The following ZNF197 variants were observed in gnomAD, a reference collection of about 807,000 sequenced individuals.
The protein encoded by ZNF197 is VHL-associated KRAB-A domain-containing protein.
In ZNF197, 14 loss-of-function variants were observed where a neutral mutation model predicts 27.4. The ratio of observed to expected loss-of-function variants is 0.51; its 90% CI spans 0.34 to 0.80. ZNF197 has a LOEUF of 0.80. ZNF197 is among the 30% of genes least tolerant of loss of function. The pLI is 0.02. For synonymous variants in ZNF197, 415 were observed against 420.0 expected (o/e 0.99, Z 0.15); for missense variants, 1,090 against 1,222.6 (o/e 0.89, Z 1.62).
rs1237972480 is a variant in ZNF197, at chr3:44,644,302, GTTTATTATTTACTC to G, written c.*87_*100del. 6.7e-7 allele frequency: 1 copy of G among 1,492,274 alleles called. No individual in the cohort carries two copies. Among genetic ancestry groups the G allele is most frequent in the Non-Finnish European group, 8.9e-7 (1 of 1,126,528 alleles). 92.4% of individuals were successfully genotyped at this position (1,492,274 alleles called of 1,614,324 possible). A position where few individuals can be genotyped will look rare whatever the true frequency, so the allele number is the denominator to read the frequency against. On this transcript the variant is annotated 3_prime_UTR_variant, in exon 6 of 6. Transcript: ENST00000344387. ...GATATATATTTCTTCTAAGGAAAAA[GTTTATTATTTACTC>G]TTTACTAGACAAATGAGTAGCATAT...
At position 44,631,122 on chromosome 3, in the gene ZNF197, A is replaced by C. The variant is rs772402696; in HGVS notation, c.451A>C (p.Thr151Pro). ...LQKVVSAPGTTLPPVLPGSHI... is the reference protein window; with the variant it reads ...LQKVVSAPGTPLPPVLPGSHI... ...GAAGGTGGTGAGTGCCCCAGGAACA[A>C]CACTTCCTCCTGTACTTCCTGGCAG... Residue 151 changes from threonine to proline, a missense_variant, in exon 3 of 6, where the codon ACA (threonine) becomes CCA (proline). By Grantham distance (38) the Thr-to-Pro change is conservative. Transcript: ENST00000344387. 1.2e-6 allele frequency: 2 copies of C among 1,614,092 alleles called. No homozygotes were observed. The highest frequency in any genetic ancestry group is 3.3e-5 in the Admixed American group (2 of 60,006).
chr3:44,632,592 C>A lies in ZNF197; in HGVS notation c.762C>A (p.Thr254=). 1.3e-6 allele frequency: 2 copies of A among 1,574,444 alleles called. No individual in the cohort carries two copies. Among genetic ancestry groups the A allele is most frequent in the South Asian group, 1.2e-5 (1 of 84,170 alleles). The change falls in exon 5 of 6, where the codon ACC becomes ACA. Residue 254 remains threonine (T), a synonymous_variant. Coordinates refer to ENST00000344387, the MANE Select transcript of ZNF197 (RefSeq NM_006991.5). The part of the protein sequence containing the change: ...DVMLENYGNV[T]SLEWETMTEN... ...TGCTGGAGAATTATGGAAATGTGAC[C>A]TCCCTAGGTAAGGATTCTTCTTTCT... is the stretch of plus-strand genomic sequence containing the variant.
In ZNF197 at chr3:44,644,021, G is replaced by T. The variant is rs1256994723; in HGVS notation, c.2891G>T (p.Ser964Ile). Residue 964 changes from serine (S) to isoleucine (I), a missense_variant, in exon 6 of 6, where the codon AGT becomes ATT. Transcript: ENST00000344387. ...GEKPYGCNDC[S>I]KVFRQRKNLT... is the part of the protein sequence containing the mutation. ...AAACCCTATGGGTGTAATGATTGTA[G>T]TAAAGTTTTTAGGCAAAGAAAAAAC... 6.2e-7 allele frequency: 1 copy of T among 1,613,878 alleles called. No individual in the cohort carries two copies. The highest frequency in any genetic ancestry group is 8.5e-7 in the Non-Finnish European group (1 of 1,179,994).
At position 44,640,017 on chromosome 3, in the gene ZNF197, A is replaced by G. The variant is rs1702508867; in HGVS notation, c.770-1883A>G. Among the ~76,000 whole-genome samples the G allele has an allele frequency of 6.6e-6, 1 of 152,194 alleles. No homozygotes were observed. The highest frequency in any genetic ancestry group is 1.5e-5 in the Non-Finnish European group (1 of 68,030). On this transcript the variant is annotated intron_variant, in intron 5 of 5. Coordinates refer to ENST00000344387, the MANE Select transcript of ZNF197 (RefSeq NM_006991.5). This position sits in a 1 kb window ranked among gnomAD's most constrained non-coding sequence, Gnocchi z 4.0. Reference sequence around the variant, plus strand: ...CTATCGGAAAGATCATTGACAGAAGATAGGCATGGATTAGGGCAGATGAAA... The same window carrying G: ...CTATCGGAAAGATCATTGACAGAAGGTAGGCATGGATTAGGGCAGATGAAA...
At position 44,645,392 on chromosome 3, in the gene ZNF197, C is replaced by T; in HGVS notation, c.*1172C>T. On this transcript the variant is annotated 3_prime_UTR_variant, in exon 6 of 6. Transcript: ENST00000344387. ...AAGAGGAAGTATGGTGAATAGCTAA[C>T]TGGAATTTAGTGTTCTAAGAATAAT... is the stretch of plus-strand genomic sequence containing the variant. The T allele has an allele frequency of 2.0e-6, 2 of 985,188 alleles. No homozygotes were observed. The highest frequency in any genetic ancestry group is 2.4e-6 in the Non-Finnish European group (2 of 829,880). The allele number at this position is 985,188 out of a possible 1,614,324, so 61.0% of individuals were successfully genotyped here.
At chr3:44,628,148 G>T (rs765787327) in intron 1 of ZNF197, among the ~76,000 whole-genome samples, 1 of 152,170 alleles carries the variant, frequency 6.6e-6, no homozygotes, top group Non-Finnish European at 1.5e-5. Context: ...AAGGATAGCC[G>T]TTGTGACCTT....
rs116201476 is a variant in ZNF197, at chr3:44,645,658, C to T, written c.*1438C>T. ...TTGACCCGCAGTTGAGCTGATGATCCCTGCCACAGTCATTGTGAATTCTAA... is the reference window on the plus strand; with the variant it reads ...TTGACCCGCAGTTGAGCTGATGATCTCTGCCACAGTCATTGTGAATTCTAA... On this transcript the variant is annotated 3_prime_UTR_variant, in exon 6 of 6. Coordinates refer to ENST00000344387, the MANE Select transcript of ZNF197 (RefSeq NM_006991.5). 2.1e-3 allele frequency: 2,026 copies of T among 985,364 alleles called. 36 individuals carry two copies. The African/African-American group carries it at 0.033, about 16-fold the overall frequency. 61.0% of individuals were successfully genotyped at this position (985,364 alleles called of 1,614,324 possible).
chr3:44,636,161 C>A (rs1394858795), intron 5 of ZNF197, among the ~76,000 whole-genome samples: 4 of 152,034 alleles, frequency 2.6e-5, no homozygotes, highest in African/African-American at 9.7e-5. Flanking sequence ...AAAAATTAGC[C>A]GGGTGTGGTG....
In ZNF197 at chr3:44,645,578, T is replaced by C. The variant is rs1239995960; in HGVS notation, c.*1358T>C. ...TTTGAAACTTAACAGATGGAGAGTG[T>C]CAAAATGGAAGGGCAGTGGTACCCT... is the stretch of plus-strand genomic sequence containing the variant. On this transcript the variant is annotated 3_prime_UTR_variant, in exon 6 of 6. Transcript: ENST00000344387. The C allele has an allele frequency of 5.0e-5, 49 of 985,302 alleles. No homozygotes were observed. Among genetic ancestry groups the C allele is most frequent in the Non-Finnish European group, 5.9e-5 (49 of 829,924 alleles). 61.0% of individuals were successfully genotyped at this position (985,302 alleles called of 1,614,324 possible). A position where few individuals can be genotyped will look rare whatever the true frequency, so the allele number is the denominator to read the frequency against.
chr3:44,642,567 G>A lies in ZNF197; in HGVS notation c.1437G>A (p.Glu479=), dbSNP rs1702676197. The A allele has an allele frequency of 2.5e-6, 4 of 1,614,174 alleles. No homozygotes were observed. In the East Asian group the frequency reaches 8.9e-5, roughly 36 times the overall value. Residue 479 remains glutamate, a synonymous_variant, in exon 6 of 6, where the codon GAG becomes GAA. Transcript: ENST00000344387. ...TACATCTAAGGCGCCATTCAGGGGA[G>A]AGACCTTATAAGTGTAATGAATGTG... ...LIIHLRRHSG[E]RPYKCNECGK...
Position 44,644,552 on chromosome 3 carries a change from C to T in ZNF197, c.*332C>T, listed in dbSNP as rs1702842967. The T allele has an allele frequency of 7.9e-6, 7 of 890,536 alleles. No individual in the cohort carries two copies. Among genetic ancestry groups the T allele is most frequent in the Middle Eastern group, 5.5e-4 (1 of 1,804 alleles). 55.2% of individuals were successfully genotyped at this position (890,536 alleles called of 1,614,324 possible). A position where few individuals can be genotyped will look rare whatever the true frequency, so the allele number is the denominator to read the frequency against. On this transcript the variant is annotated 3_prime_UTR_variant, in exon 6 of 6. Coordinates refer to ENST00000344387, the MANE Select transcript of ZNF197 (RefSeq NM_006991.5). Reference sequence around the variant, plus strand: ...ACTCAGGAGGCTGAGACAGGAGAGTCGCTTGAACCTGGGAGGGCGGAGGTT... The same window carrying T: ...ACTCAGGAGGCTGAGACAGGAGAGTTGCTTGAACCTGGGAGGGCGGAGGTT...
intron 2 of ZNF197, among the ~76,000 whole-genome samples, chr3:44,630,088 G>A (rs750986776): frequency 3.4e-4 from 52 of 152,142 alleles, no homozygotes; most frequent in Non-Finnish European, 6.5e-4. Flanking sequence ...GTAGTGGCGA[G>A]TGCCTATAGT....
In ZNF197 at chr3:44,644,282, A is replaced by C; in HGVS notation, c.*62A>C. On this transcript the variant is annotated 3_prime_UTR_variant, in exon 6 of 6. Transcript: ENST00000344387. Reference sequence around the variant, plus strand: ...TAAGTAACTGTTGGACAAATGATATATATTTCTTCTAAGGAAAAAGTTTAT... The same window carrying C: ...TAAGTAACTGTTGGACAAATGATATCTATTTCTTCTAAGGAAAAAGTTTAT... The C allele has an allele frequency of 6.6e-7, 1 of 1,518,706 alleles. No individual in the cohort carries two copies. The highest frequency in any genetic ancestry group is 2.3e-5 in the East Asian group (1 of 43,882). The allele number at this position is 1,518,706 out of a possible 1,614,324, so 94.1% of individuals were successfully genotyped here.
rs368139935 is a variant in ZNF197, at chr3:44,643,619, G to C, written c.2489G>C (p.Arg830Pro). 6.2e-7 allele frequency: 1 copy of C among 1,614,162 alleles called. No individual in the cohort carries two copies. The part of the protein sequence containing the change: ...CNDCGKVFSY[R>P]SNLIAHQRIH... ...GACTGTGGGAAGGTCTTCAGTTACC[G>C]CTCAAACCTTATAGCCCATCAGAGG... The change falls in exon 6 of 6, where the codon CGC (arginine) becomes CCC (proline). Residue 830 changes from arginine (R) to proline (P), a missense_variant. By Grantham distance (103) the Arg-to-Pro change is moderately radical. Transcript: ENST00000344387.
chr3:44,633,989 C>A (rs1702142487), intron 5 of ZNF197, among the ~76,000 whole-genome samples: 1 of 152,106 alleles, frequency 6.6e-6, no homozygotes, highest in African/African-American at 2.4e-5. Context: ...TCAGTAGTGG[C>A]AGTGGTGGGT....
chr3:44,632,178 C>G lies in ZNF197; in HGVS notation c.624C>G (p.Leu208=), dbSNP rs755321104. 1.2e-6 allele frequency: 2 copies of G among 1,614,176 alleles called. No individual in the cohort carries two copies. Among genetic ancestry groups the G allele is most frequent in the Non-Finnish European group, 1.7e-6 (2 of 1,180,022 alleles). ...NPRNQLMALM[L]LTAQPQELVM... ...GAAATCAATTAATGGCACTTATGCT[C>G]CTAACAGCCCAGCCCCAGGTAAGGT... The change falls in exon 4 of 6, where the codon CTC becomes CTG. Residue 208 remains leucine (L), a synonymous_variant. Transcript: ENST00000344387.
At chr3:44,633,224 ATATT>A (rs1444806990) in intron 5 of ZNF197, among the ~76,000 whole-genome samples, 2 of 152,234 alleles carry the variant, frequency 1.3e-5, no homozygotes, top group Non-Finnish European at 2.9e-5. Context: ...AAAGTTATAT[ATATT>A]CTAAAATAGA....
intron 5 of ZNF197, among the ~76,000 whole-genome samples, chr3:44,639,111 T>C (rs141213404): frequency 1.8e-4 from 28 of 152,256 alleles, no homozygotes. Context: ...TTCGTTGATA[T>C]GGTGTATTAC....
At chr3:44,641,206 CT>C (rs1322688361) in intron 5 of ZNF197, among the ~76,000 whole-genome samples, 1 of 152,106 alleles carries the variant, frequency 6.6e-6, no homozygotes, top group Non-Finnish European at 1.5e-5. Context: ...TGTTTTCATA[CT>C]TTTATTCTAT....
Sources: gnomAD v4.1 joint callset for allele counts (sites outside exome capture counted in the v4.1 genomes callset) on GRCh38, gnomAD v4.1.1 for gene constraint, Gnocchi (gnomAD v3.1) non-coding constraint, MANE v1.5 for transcripts, NCBI Gene and HGNC (gene_info 2026-07-23, HGNC 2026-07-21) for gene names.